UBE2H: variants seen among roughly 807,000 people sequenced by gnomAD.
The protein encoded by UBE2H is ubiquitin conjugating enzyme E2 H.
UBE2H carries 3 observed loss-of-function variants against 29.0 expected under a neutral mutation model. The observed-to-expected ratio is 0.10, with a 90% confidence interval of 0.05 to 0.27. UBE2H has a LOEUF of 0.27. Among genes scored for constraint, UBE2H ranks in the 10% least tolerant of loss-of-function variants. UBE2H has a pLI of 1.00. For synonymous variants in UBE2H, 69 were observed against 82.9 expected, an observed-to-expected ratio of 0.83 and a Z score of 0.91; for missense variants, 68 against 228.2, an observed-to-expected ratio of 0.30 and a Z score of 4.52.
intron 1 of UBE2H, among the ~76,000 whole-genome samples, chr7:129,900,658 T>A (rs540708998): frequency 3.3e-5 from 5 of 152,166 alleles, no homozygotes; most frequent in African/African-American, 9.7e-5. Context: ...TTAGGGTACA[T>A]GTGCACATTG....
chr7:129,844,250 G>A (rs1805475242), intron 5 of UBE2H, among the ~76,000 whole-genome samples: 2 of 152,306 alleles, frequency 1.3e-5, no homozygotes, highest in South Asian at 2.1e-4. Context: ...AGGATGTGAT[G>A]GCTCTGCCAT....
At chr7:129,854,632 TACTC>T (rs1328887181) in intron 5 of UBE2H, among the ~76,000 whole-genome samples, 1 of 152,242 alleles carries the variant, frequency 6.6e-6, no homozygotes, top group Non-Finnish European at 1.5e-5. Context: ...GATGAAAACT[TACTC>T]ATGTTGGCCA....
chr7:129,879,848 G>T (rs1252908358), intron 2 of UBE2H, among the ~76,000 whole-genome samples: 1 of 152,138 alleles, frequency 6.6e-6, no homozygotes, highest in African/African-American at 2.4e-5. Flanking sequence ...AAAATAAGCA[G>T]ATTCATTCTG....
chr7:129,847,024 TATTA>T (rs1563020608), intron 5 of UBE2H, among the ~76,000 whole-genome samples: 16 of 140,724 alleles, frequency 1.1e-4, no homozygotes, highest in African/African-American at 2.8e-4. Context: ...TTATTATTAT[TATTA>T]TTATTTTTTG....
At chr7:129,872,867 A>AAG (rs1806069368) in intron 3 of UBE2H, among the ~76,000 whole-genome samples, 1 of 150,202 alleles carries the variant, frequency 6.7e-6, no homozygotes, top group Non-Finnish European at 1.5e-5. Context: ...AAAAAAAAAA[A>AAG]AAAAAGAATT....
rs182186375 is a variant in UBE2H, at chr7:129,934,907, A to G, written c.53+17596T>C. Among the ~76,000 whole-genome samples, 120 of 143,312 alleles carry G rather than the reference A, an allele frequency of 8.4e-4. No homozygotes were observed. The East Asian group carries it at 0.022, about 27-fold the overall frequency. 94.0% of individuals were successfully genotyped at this position (143,312 alleles called of 152,430 possible). Reference sequence around the variant, plus strand: ...GACCCCATTTCTACAAAAAGTATATATATGTGTGTGTGTATATATATGTGT... The same window carrying G: ...GACCCCATTTCTACAAAAAGTATATGTATGTGTGTGTGTATATATATGTGT... On this transcript the variant is annotated intron_variant, in intron 1 of 6. Coordinates refer to ENST00000355621, the MANE Select transcript of UBE2H (RefSeq NM_003344.4).
At chr7:129,926,790 G>A (rs1176534780) in intron 1 of UBE2H, among the ~76,000 whole-genome samples, 1 of 152,102 alleles carries the variant, frequency 6.6e-6, no homozygotes, top group Non-Finnish European at 1.5e-5. Flanking sequence ...AAAGTATCAG[G>A]TATGGCCCTA....
At chr7:129,864,556 C>CTTT (rs367930226) in intron 3 of UBE2H, among the ~76,000 whole-genome samples, 8,387 of 130,876 alleles carry the variant, frequency 0.064, 667 homozygotes, top group East Asian at 0.24. Flanking sequence ...TCTTTTCTTT[C>CTTT]TTTTTTTTTT....
intron 1 of UBE2H, among the ~76,000 whole-genome samples, chr7:129,882,412 T>G (rs1476056954): frequency 1.3e-5 from 2 of 152,216 alleles, no homozygotes; most frequent in Non-Finnish European, 2.9e-5. Flanking sequence ...TCATAGAGAA[T>G]AAATATTTTT....
chr7:129,935,878 GGTACAGTCAAGCATTAATGAAGT>G (rs1563051940), intron 1 of UBE2H, among the ~76,000 whole-genome samples: 2 of 151,914 alleles, frequency 1.3e-5, no homozygotes, highest in East Asian at 1.9e-4. Flanking sequence ...AATCTGAAGC[GGTACAGTCAAGCATTAATGAAGT>G]GTACAGTCAA....
At chr7:129,943,518 A>G (rs1807689705) in intron 1 of UBE2H, among the ~76,000 whole-genome samples, 1 of 148,778 alleles carries the variant, frequency 6.7e-6, no homozygotes, top group Non-Finnish European at 1.5e-5. Flanking sequence ...CGGGAGGCAG[A>G]GGTTGCAGTG....
intron 1 of UBE2H, among the ~76,000 whole-genome samples, chr7:129,886,000 T>C (rs1439979183): frequency 6.6e-6 from 1 of 152,154 alleles, no homozygotes; most frequent in Admixed American, 6.6e-5. Context: ...ATGACAAAAA[T>C]AATGATCGAT....
At chr7:129,836,773 G>A (rs1326415007) in intron 6 of UBE2H, among the ~76,000 whole-genome samples, 3 of 151,088 alleles carry the variant, frequency 2.0e-5, no homozygotes, top group East Asian at 2.0e-4. Flanking sequence ...CCAGCTACTC[G>A]GGAGGCTGAG....
At chr7:129,843,367 C>T (rs1353808915) in intron 5 of UBE2H, among the ~76,000 whole-genome samples, 2 of 152,088 alleles carry the variant, frequency 1.3e-5, no homozygotes, top group African/African-American at 4.8e-5. Flanking sequence ...GCAAGGAACT[C>T]TTCCATGGTC....
chr7:129,928,124 G>A (rs1807310109), intron 1 of UBE2H, among the ~76,000 whole-genome samples: 1 of 151,542 alleles, frequency 6.6e-6, no homozygotes. Flanking sequence ...TGAGGTCTGG[G>A]GTTCAAGACC....
At chr7:129,949,378 G>A (rs543186308) in intron 1 of UBE2H, among the ~76,000 whole-genome samples, 1 of 152,174 alleles carries the variant, frequency 6.6e-6, no homozygotes, top group Non-Finnish European at 1.5e-5. Flanking sequence ...ACAAATGGCC[G>A]CACTATTCGA....
chr7:129,887,559 T>C (rs1185267397), intron 1 of UBE2H, among the ~76,000 whole-genome samples: 3 of 152,172 alleles, frequency 2.0e-5, no homozygotes, highest in East Asian at 3.8e-4. Flanking sequence ...CTGGCCTCTC[T>C]TGAACATTTA....
intron 1 of UBE2H, among the ~76,000 whole-genome samples, chr7:129,930,907 C>CAA (rs1807378123): frequency 3.3e-5 from 1 of 30,344 alleles, no homozygotes; most frequent in Non-Finnish European, 5.9e-5. Flanking sequence ...GACCCCGTCT[C>CAA]ACAAAAAAAA....
rs1806978426 is a variant in UBE2H at position 129,913,343 on chromosome 7, A to C, written c.54-32372T>G. Among the ~76,000 whole-genome samples, 3 of 152,330 alleles carry C rather than the reference A, an allele frequency of 2.0e-5. No homozygotes were observed. In the South Asian group the frequency reaches 6.2e-4, roughly 32 times the overall value. On this transcript the variant is annotated intron_variant, in intron 1 of 6. Transcript: ENST00000355621. ...ATTTATTGACTTACATGTGCCTACA[A>C]AATAAAGGGAATCCCAAATTTTACT...
Sources: allele counts gnomAD v4.1 joint callset (sites outside exome capture counted in the v4.1 genomes callset), GRCh38; gene constraint gnomAD v4.1.1; transcripts MANE v1.5; gene names NCBI Gene and HGNC (gene_info 2026-07-23, HGNC 2026-07-21).